ADGRB3: variants seen among roughly 807,000 people sequenced by gnomAD.
ADGRB3 encodes the protein brain-specific angiogenesis inhibitor 3.
ADGRB3 carries 37 observed loss-of-function variants against 193.4 expected under a neutral mutation model. The ratio of observed to expected loss-of-function variants is 0.19; its 90% CI spans 0.15 to 0.25. The LOEUF (loss-of-function observed/expected upper bound fraction) is 0.25. Among genes scored for constraint, ADGRB3 ranks in the 10% least tolerant of loss-of-function variants. The pLI, the probability that ADGRB3 is intolerant of heterozygous loss-of-function variation, is 1.00. For missense variants in ADGRB3, 1,637 were observed against 1,852.9 expected, an observed-to-expected ratio of 0.88 and a Z score of 2.14; for synonymous variants, 690 against 644.2, an observed-to-expected ratio of 1.07 and a Z score of -1.08.
chr6:69,103,073 A>G (rs914903387), intron 17 of ADGRB3, among the ~76,000 whole-genome samples: 8 of 152,210 alleles, frequency 5.3e-5, no homozygotes, highest in Admixed American at 5.2e-4. Context: ...TAATCTCAAA[A>G]TTAAAGTTTC....
At chr6:69,275,064 A>G (rs2127281510) in intron 20 of ADGRB3, among the ~76,000 whole-genome samples, 1 of 152,262 alleles carries the variant, frequency 6.6e-6, no homozygotes, top group Non-Finnish European at 1.5e-5. Flanking sequence ...AAATTTTTAA[A>G]GGGAGCATTT....
chr6:69,180,337 C>T (rs1191561307), intron 17 of ADGRB3, among the ~76,000 whole-genome samples: 1 of 152,180 alleles, frequency 6.6e-6, no homozygotes, highest in East Asian at 1.9e-4. Context: ...AAAGGGCCTT[C>T]TTGCACCACA....
At chr6:69,085,983 T>A (rs985534795) in intron 17 of ADGRB3, among the ~76,000 whole-genome samples, 4 of 151,932 alleles carry the variant, frequency 2.6e-5, no homozygotes, top group African/African-American at 9.7e-5. Context: ...TCAATAATGA[T>A]TTTGATTAAA....
chr6:69,043,290 G>GAGAGAAAGAAAAAAGAA, intron 13 of ADGRB3, among the ~76,000 whole-genome samples: 1 of 88,088 alleles, frequency 1.1e-5, no homozygotes, highest in East Asian at 2.8e-4. Flanking sequence ...GGAAGAAAGA[G>GAGAGAAAGAAAAAAGAA]AGAAAGAAAG....
chr6:68,914,178 A>C (rs1157825805), intron 3 of ADGRB3, among the ~76,000 whole-genome samples: 31 of 150,354 alleles, frequency 2.1e-4, no homozygotes, highest in Admixed American at 4.6e-4. Context: ...ATTCAGATTC[A>C]GGAAATACAG....
intron 3 of ADGRB3, among the ~76,000 whole-genome samples, chr6:68,840,369 CTTTTTTTTTTTTTTT>C (rs752625602): frequency 8.4e-4 from 58 of 69,426 alleles, no homozygotes; most frequent in African/African-American, 3.4e-3. Context: ...ACTGGGCAGT[CTTTTTTTTTTTTTTT>C]TTTTTTTTTT....
At chr6:69,256,350 C>T (rs951021882) in intron 20 of ADGRB3, among the ~76,000 whole-genome samples, 2 of 152,148 alleles carry the variant, frequency 1.3e-5, no homozygotes, top group Admixed American at 1.3e-4. Flanking sequence ...GAATGTTCTT[C>T]CATTTGTTTG....
At chr6:68,891,105 C>T (rs186212340) in intron 3 of ADGRB3, among the ~76,000 whole-genome samples, 2 of 152,232 alleles carry the variant, frequency 1.3e-5, no homozygotes, top group East Asian at 3.9e-4. Flanking sequence ...TCATGTCTTA[C>T]ATGGATGGCA....
chr6:68,782,131 C>T lies in ADGRB3; in HGVS notation c.757+142699C>T, dbSNP rs1429913280. Among the ~76,000 whole-genome samples, 320 of 118,616 alleles carry T rather than the reference C, an allele frequency of 2.7e-3. 6 individuals carry two copies. The highest frequency in any genetic ancestry group is 1.0e-2 in the African/African-American group (311 of 31,186). The allele number at this position is 118,616 out of a possible 152,430, so 77.8% of individuals were successfully genotyped here. On this transcript the variant is annotated intron_variant, in intron 3 of 31. Coordinates refer to ENST00000370598, the MANE Select transcript of ADGRB3 (RefSeq NM_001704.3). The stretch of plus-strand genomic sequence containing the variant: ...TGCTATCCCTCCCCCCTCCCCCCAC[C>T]CCACAACAGTCCCTGGTGTGTGATG...
chr6:69,369,719 G>C (rs894714363), intron 29 of ADGRB3, among the ~76,000 whole-genome samples: 3 of 150,710 alleles, frequency 2.0e-5, no homozygotes, highest in African/African-American at 7.3e-5. Context: ...AAAAAAGAGA[G>C]AGCGAGTCAT....
At chr6:68,904,714 T>G (rs1766494871) in intron 3 of ADGRB3, among the ~76,000 whole-genome samples, 1 of 152,208 alleles carries the variant, frequency 6.6e-6, no homozygotes, top group Non-Finnish European at 1.5e-5. Flanking sequence ...TATTGCTTAT[T>G]GGTAGATACT....
chr6:69,351,499 A>C (rs1769225756), intron 26 of ADGRB3, among the ~76,000 whole-genome samples: 1 of 152,232 alleles, frequency 6.6e-6, no homozygotes, highest in Admixed American at 6.5e-5. Flanking sequence ...AGGCACTAAA[A>C]GTGTCAGAGA....
intron 17 of ADGRB3, among the ~76,000 whole-genome samples, chr6:69,137,027 G>A (rs79371348): frequency 0.017 from 2,465 of 147,702 alleles, 87 homozygotes; most frequent in East Asian, 0.1. Context: ...TCATCCCACC[G>A]ATGCAGTGGT....
chr6:69,366,822 G>T (rs1769578983), intron 29 of ADGRB3, among the ~76,000 whole-genome samples: 2 of 152,114 alleles, frequency 1.3e-5, no homozygotes, highest in South Asian at 4.1e-4. Flanking sequence ...CTGTTGTCGT[G>T]CAGCTCTTTT....
intron 3 of ADGRB3, among the ~76,000 whole-genome samples, chr6:68,727,468 G>A (rs1765694220): frequency 6.6e-6 from 1 of 151,564 alleles, no homozygotes; most frequent in African/African-American, 2.4e-5. Flanking sequence ...TTTCTTGGTT[G>A]ATTGTTTCTA....
chr6:68,787,210 G>C (rs973446133), intron 3 of ADGRB3, among the ~76,000 whole-genome samples: 1 of 152,114 alleles, frequency 6.6e-6, no homozygotes, highest in African/African-American at 2.4e-5. Flanking sequence ...AGTGGTGAGA[G>C]AGGGCATCCC....
intron 17 of ADGRB3, among the ~76,000 whole-genome samples, chr6:69,124,092 A>ATT (rs11430097): frequency 0.22 from 32,733 of 150,480 alleles, 3,761 homozygotes; most frequent in Middle Eastern, 0.25. Flanking sequence ...ATGACTCTGA[A>ATT]TTTTTTTTTT....
At chr6:69,170,941 T>G (rs1406371631) in intron 17 of ADGRB3, among the ~76,000 whole-genome samples, 2 of 152,158 alleles carry the variant, frequency 1.3e-5, no homozygotes, top group Non-Finnish European at 2.9e-5. Context: ...AAATATAATG[T>G]AAGCTACATA....
chr6:68,871,399 A>T (rs1765451036), intron 3 of ADGRB3, among the ~76,000 whole-genome samples: 1 of 152,166 alleles, frequency 6.6e-6, no homozygotes, highest in African/African-American at 2.4e-5. Flanking sequence ...AACTTAGGCA[A>T]ATTTAATGGT....
Sources: gnomAD v4.1 joint callset for allele counts (sites outside exome capture counted in the v4.1 genomes callset) on GRCh38, gnomAD v4.1.1 for gene constraint, MANE v1.5 for transcripts, NCBI Gene and HGNC (gene_info 2026-07-23, HGNC 2026-07-21) for gene names.